The following CYTH2 variants were observed in gnomAD, a reference collection of about 807,000 sequenced individuals.
CYTH2 encodes the protein cytohesin-2.
In CYTH2, 24 loss-of-function variants were observed where a neutral mutation model predicts 55.4. The ratio of observed to expected loss-of-function variants is 0.43; its 90% confidence interval spans 0.31 to 0.61. The LOEUF (loss-of-function observed/expected upper bound fraction) is 0.61, where lower values mean the gene tolerates loss of function less well. Among genes scored for constraint, CYTH2 ranks in the 20% least tolerant of loss-of-function variants. CYTH2 has a pLI of 0.08. For synonymous variants in CYTH2, 221 were observed against 209.6 expected, an observed-to-expected ratio of 1.05 and a Z score of -0.47; for missense variants, 378 against 533.5, an observed-to-expected ratio of 0.71 and a Z score of 2.87.
chr19:48,471,758 A>G (rs74683139), intron 3 of CYTH2, among the ~76,000 whole-genome samples: 2,000 of 152,318 alleles, frequency 0.013, 22 homozygotes, highest in East Asian at 0.051. Context: ...TCATTCAACA[A>G]ACATTGATTG....
At chr19:48,475,939 C>T (rs1182215031) in intron 8 of CYTH2, 3 of 501,056 alleles carry the variant, frequency 6.0e-6, no homozygotes, top group African/African-American at 5.8e-5. Context: ...CAGTCCAGCA[C>T]AGCAGTGGAG....
At position 48,473,966 on chromosome 19, in the gene CYTH2, G is replaced by A. The variant is rs1971855407; in HGVS notation, c.496G>A (p.Ala166Thr). The A allele has an allele frequency of 6.2e-7, 1 of 1,613,816 alleles. No homozygotes were observed. Among genetic ancestry groups the A allele is most frequent in the Non-Finnish European group, 8.5e-7 (1 of 1,179,836 alleles). Residue 166 changes from alanine to threonine, a missense_variant, in exon 6 of 12, where the codon GCC (alanine) becomes ACC (threonine). Transcript: ENST00000452733. ...CCAGAAAATTGACCGGATGATGGAG[G>A]CCTTCGCCCAGCGATACTGCCTGTG... ...EAQKIDRMME[A>T]FAQRYCLCNP...
chr19:48,473,484 A>G lies in CYTH2; in HGVS notation c.434+106A>G, dbSNP rs74699109. The G allele has an allele frequency of 5.8e-3, 7,017 of 1,215,400 alleles. 267 individuals are homozygous for G. In the African/African-American group the frequency reaches 0.091, roughly 16 times the overall value. 75.3% of individuals were successfully genotyped at this position (1,215,400 alleles called of 1,614,324 possible). ...AGAAAAAAACAGAAACAAGCAAAAC[A>G]GAAACAAAAACTAGGGAACTGAGTG... On this transcript the variant is annotated intron_variant, in intron 5 of 11. Transcript: ENST00000452733.
chr19:48,469,973 C>T (rs1971756357), intron 1 of CYTH2: 1 of 553,488 alleles, frequency 1.8e-6, no homozygotes, highest in South Asian at 1.5e-5. Context: ...ACCCAGTAGT[C>T]CGGATAACCA....
In CYTH2 at chr19:48,478,995, G is replaced by A. The variant is rs557218471; in HGVS notation, c.1113-128G>A. ...TGCTGGGTCTGAGGGAGGAGGGGCC[G>A]GGGGCCTGGACTCCTGGGTCTGAGG... On this transcript the variant is annotated intron_variant, in intron 11 of 11. Transcript: ENST00000452733. 1.7e-5 allele frequency: 15 copies of A among 887,146 alleles called. No individual in the cohort carries two copies. The African/African-American group carries it at 1.8e-4, about 10-fold the overall frequency. 55.0% of individuals were successfully genotyped at this position (887,146 alleles called of 1,614,324 possible).
In CYTH2 at chr19:48,474,126, G is replaced by A. The variant is rs1569089795; in HGVS notation, c.548-56G>A. 1 of 1,552,884 alleles carries A rather than the reference G, an allele frequency of 6.4e-7. No homozygotes were observed. The highest frequency in any genetic ancestry group is 1.4e-5 in the African/African-American group (1 of 73,394). ...CTGGGAATCCTGGGTCCTGGGGAATGGGGGCACTGGGGACTGACATGCCTG... is the reference window on the plus strand; with the variant it reads ...CTGGGAATCCTGGGTCCTGGGGAATAGGGGCACTGGGGACTGACATGCCTG... On this transcript the variant is annotated intron_variant, in intron 6 of 11. Coordinates refer to ENST00000452733, the MANE Select transcript of CYTH2 (RefSeq NM_004228.7). The surrounding 1 kb of genome is among the most constrained non-coding windows in gnomAD (Gnocchi z 4.9).
At chr19:48,473,024 CAGTA>C in intron 4 of CYTH2, 1 of 419,402 alleles carries the variant, frequency 2.4e-6, no homozygotes, top group Non-Finnish European at 4.4e-6. Context: ...AGAGAGGTGA[CAGTA>C]GGTAGCATAC....
chr19:48,476,171 C>A, intron 8 of CYTH2: 1 of 316,320 alleles, frequency 3.2e-6, no homozygotes, highest in Non-Finnish European at 6.5e-6. Context: ...GGCACAGGGG[C>A]CCACCCCTGT....
chr19:48,473,977 G>T lies in CYTH2; in HGVS notation c.507G>T (p.Gln169His). The change falls in exon 6 of 12, where the codon CAG (glutamine) becomes CAT (histidine). Residue 169 changes from glutamine (Q) to histidine (H), a missense_variant. By Grantham distance (24) the Gln-to-His change is conservative. Transcript: ENST00000452733. ...KIDRMMEAFA[Q>H]RYCLCNPGVF... ...ACCGGATGATGGAGGCCTTCGCCCA[G>T]CGATACTGCCTGTGCAACCCTGGGG... 1 of 1,613,828 alleles carries T rather than the reference G, an allele frequency of 6.2e-7. No homozygotes were observed. Among genetic ancestry groups the T allele is most frequent in the Non-Finnish European group, 8.5e-7 (1 of 1,179,838 alleles).
intron 8 of CYTH2, chr19:48,476,439 A>C (rs1418752691): frequency 6.3e-6 from 1 of 159,610 alleles, no homozygotes; most frequent in Non-Finnish European, 1.4e-5. Context: ...TGTCCAGCCA[A>C]CACCCCAGTC....
rs1288208765 is a variant in CYTH2 at position 48,480,079 on chromosome 19, C to T, written c.*869C>T. 6.6e-6 allele frequency: 1 copy of T among 152,270 alleles called. No homozygotes were observed. The highest frequency in any genetic ancestry group is 1.5e-5 in the Non-Finnish European group (1 of 68,068). 9.4% of individuals were successfully genotyped at this position (152,270 alleles called of 1,614,324 possible). On this transcript the variant is annotated 3_prime_UTR_variant, in exon 12 of 12. Coordinates refer to ENST00000452733, the MANE Select transcript of CYTH2 (RefSeq NM_004228.7). ...ACAGCCAAAGAAATTCGAGGATCGC[C>T]TCTATGAAGGTGAAGTCTTGGCATG...
In CYTH2 at chr19:48,480,720, A is replaced by G. The variant is rs1397782420; in HGVS notation, c.*1510A>G. ...TGGGAAATGGAGTTCCAAATGAGAA[A>G]ATAGAATTCCCCACTTCTCTTTCCC... On this transcript the variant is annotated 3_prime_UTR_variant, in exon 12 of 12. Transcript: ENST00000452733. The G allele has an allele frequency of 6.6e-6, 1 of 152,226 alleles. No homozygotes were observed. The highest frequency in any genetic ancestry group is 1.5e-5 in the Non-Finnish European group (1 of 68,066). 9.4% of individuals were successfully genotyped at this position (152,226 alleles called of 1,614,324 possible).
At chr19:48,473,404 C>G in intron 5 of CYTH2, 26 bp downstream of exon 5, 2 of 1,610,500 alleles carry the variant, frequency 1.2e-6, no homozygotes, top group Non-Finnish European at 1.7e-6. Flanking sequence ...GGGTTTGGAA[C>G]GCCAGGAATG....
Position 48,479,308 on chromosome 19 carries a change from A to AGATCGG in CYTH2, c.*98_*99insGATCGG. On this transcript the variant is annotated 3_prime_UTR_variant, in exon 12 of 12. Transcript: ENST00000452733. ...CTGTGGATCCTGGTTCCCTGTTTGG[A>AGATCGG]AAATTCACCACCTCTAGCTCCTCAC... 8.4e-7 allele frequency: 1 copy of AGATCGG among 1,187,404 alleles called. No homozygotes were observed. Among genetic ancestry groups the AGATCGG allele is most frequent in the Non-Finnish European group, 1.2e-6 (1 of 807,492 alleles). 73.6% of individuals were successfully genotyped at this position (1,187,404 alleles called of 1,614,324 possible). A position where few individuals can be genotyped will look rare whatever the true frequency, so the allele number is the denominator to read the frequency against.
chr19:48,469,845 CGCTTGGGTTGCGGGGAGGGGA>C (rs1308755458), intron 1 of CYTH2: 5 of 385,936 alleles, frequency 1.3e-5, no homozygotes, highest in Non-Finnish European at 2.5e-5. Flanking sequence ...CGGGGAGGGG[CGCTTGGGTTGCGGGGAGGGGA>C]GAAATCTTGG....
chr19:48,476,177 C>G, intron 8 of CYTH2: 1 of 301,492 alleles, frequency 3.3e-6, no homozygotes, highest in African/African-American at 2.2e-5. Context: ...GGGGCCCACC[C>G]CTGTAATTTC....
In CYTH2 at chr19:48,469,574, C is replaced by T. The variant is rs886883966; in HGVS notation, c.19+48C>T. On this transcript the variant is annotated intron_variant, in intron 1 of 11. Coordinates refer to ENST00000452733, the MANE Select transcript of CYTH2 (RefSeq NM_004228.7). ...CGGCTGGGAGTTGCTGGAGCGTTTT[C>T]TCCTGAACGTTCCGCCGCGAACGTT... The T allele has an allele frequency of 1.1e-5, 15 of 1,328,092 alleles. No individual in the cohort carries two copies. In the Admixed American group the frequency reaches 5.4e-4, roughly 48 times the overall value. The allele number at this position is 1,328,092 out of a possible 1,614,324, so 82.3% of individuals were successfully genotyped here.
rs981701080 is a variant in CYTH2, at chr19:48,481,026, T to C, written c.*1816T>C. 1.3e-5 allele frequency: 2 copies of C among 152,364 alleles called. No homozygotes were observed. Among genetic ancestry groups the C allele is most frequent in the African/African-American group, 4.8e-5 (2 of 41,450 alleles). The allele number at this position is 152,364 out of a possible 1,614,324, so 9.4% of individuals were successfully genotyped here. On this transcript the variant is annotated 3_prime_UTR_variant, in exon 12 of 12. Transcript: ENST00000452733. ...GGCCTCTGGCTGGATTCTTAGCAGA[T>C]GGAAGCCGTGCAAGGGCAGGAGGCA...
At position 48,472,765 on chromosome 19, in the gene CYTH2, C is replaced by G. The variant is rs187435152; in HGVS notation, c.353+322C>G. 254 of 403,678 alleles carry G rather than the reference C, an allele frequency of 6.3e-4. 1 individual carries two copies. The highest frequency in any genetic ancestry group is 4.9e-3 in the African/African-American group (240 of 48,922). The allele number at this position is 403,678 out of a possible 1,614,324, so 25.0% of individuals were successfully genotyped here. On this transcript the variant is annotated intron_variant, in intron 4 of 11. Coordinates refer to ENST00000452733, the MANE Select transcript of CYTH2 (RefSeq NM_004228.7). ...CTTGAGAACCGTGGGTAGACCATGG[C>G]TGTGCATAGGCACTGGGTGGCCATC...
Sources: gnomAD v4.1 joint callset for allele counts (sites outside exome capture counted in the v4.1 genomes callset) on GRCh38, gnomAD v4.1.1 for gene constraint, Gnocchi (gnomAD v3.1) non-coding constraint, MANE v1.5 for transcripts, NCBI Gene and HGNC (gene_info 2026-07-23, HGNC 2026-07-21) for gene names.